Variants in C1QTNF3 observed in about 807,000 individuals in gnomAD.
C1QTNF3 encodes the protein complement C1q tumor necrosis factor-related protein 3.
C1QTNF3 carries 26 observed loss-of-function variants against 32.6 expected under a neutral mutation model. The observed-to-expected ratio is 0.80, with a 90% CI of 0.58 to 1.11. The LOEUF is 1.11. C1QTNF3 is among the 50% of genes least tolerant of loss of function. The pLI is 0.00. For synonymous variants in C1QTNF3, 155 were observed against 146.0 expected (o/e 1.06, Z -0.44); for missense variants, 362 against 398.2 (o/e 0.91, Z 0.77).
chr5:34,222,154 T>C, the C1QTNF3 span, among the ~76,000 whole-genome samples: 1 of 152,032 alleles, frequency 6.6e-6, no homozygotes, highest in South Asian at 2.1e-4. Context: ...AAATCAGATA[T>C]TAGGGGAAAA....
At chr5:34,133,247 T>C in the C1QTNF3 span, among the ~76,000 whole-genome samples, 2 of 152,202 alleles carry the variant, frequency 1.3e-5, no homozygotes, top group Admixed American at 6.5e-5. Flanking sequence ...GAAATCATAA[T>C]AGCTGTGGGT....
the C1QTNF3 span, among the ~76,000 whole-genome samples, chr5:34,075,090 T>A: frequency 6.6e-6 from 1 of 151,820 alleles, no homozygotes; most frequent in South Asian, 2.1e-4. Flanking sequence ...CTAGTTAGCA[T>A]GCAAAAATAC....
At chr5:34,194,886 G>A in the C1QTNF3 span, among the ~76,000 whole-genome samples, 1 of 149,026 alleles carries the variant, frequency 6.7e-6, no homozygotes, top group Admixed American at 6.7e-5. Flanking sequence ...CGATGTAAAT[G>A]TCATGCAAAT....
chr5:34,128,910 T>C, the C1QTNF3 span, among the ~76,000 whole-genome samples: 1 of 152,134 alleles, frequency 6.6e-6, no homozygotes, highest in Non-Finnish European at 1.5e-5. Context: ...CTTTGAAAAG[T>C]GAGAAGAACA....
At chr5:34,147,130 C>G in the C1QTNF3 span, among the ~76,000 whole-genome samples, 1 of 106,472 alleles carries the variant, frequency 9.4e-6, no homozygotes, top group Non-Finnish European at 2.3e-5. Flanking sequence ...ATGGCTATTA[C>G]TAAAAAGTAA....
intron 1 of C1QTNF3, among the ~76,000 whole-genome samples, chr5:34,038,801 G>A (rs1754802440): frequency 6.6e-6 from 1 of 152,082 alleles, no homozygotes; most frequent in African/African-American, 2.4e-5. Flanking sequence ...TTCCCTTCTT[G>A]ATACTGTTAC....
the C1QTNF3 span, among the ~76,000 whole-genome samples, chr5:34,107,962 T>C: frequency 2.6e-5 from 4 of 152,054 alleles, no homozygotes; most frequent in South Asian, 8.3e-4. Context: ...CTAAGATTTA[T>C]CATTTGCTTC....
At chr5:34,178,104 T>C in the C1QTNF3 span, among the ~76,000 whole-genome samples, 2 of 76,480 alleles carry the variant, frequency 2.6e-5, no homozygotes, top group African/African-American at 5.5e-5. Flanking sequence ...TCATCTCTAC[T>C]AAAAAAAAAA....
chr5:34,050,253 C>T, the C1QTNF3 span, among the ~76,000 whole-genome samples: 3 of 152,200 alleles, frequency 2.0e-5, no homozygotes, highest in African/African-American at 7.2e-5. Context: ...TAGCCAGTTA[C>T]TTCCATTGCT....
chr5:34,156,262 G>A, the C1QTNF3 span, among the ~76,000 whole-genome samples: 1 of 152,060 alleles, frequency 6.6e-6, no homozygotes, highest in African/African-American at 2.4e-5. Flanking sequence ...GTAGAGATGG[G>A]GTTTCGCCAT....
the C1QTNF3 span, among the ~76,000 whole-genome samples, chr5:34,049,178 G>C: frequency 6.6e-6 from 1 of 152,186 alleles, no homozygotes; most frequent in Non-Finnish European, 1.5e-5. Flanking sequence ...GGCTGTAGCT[G>C]GTTCCAGGTC....
At chr5:34,065,593 G>T in the C1QTNF3 span, among the ~76,000 whole-genome samples, 2 of 152,116 alleles carry the variant, frequency 1.3e-5, no homozygotes, top group Admixed American at 1.3e-4. Context: ...CTTGAAACCA[G>T]GAGGCAGAGG....
the C1QTNF3 span, among the ~76,000 whole-genome samples, chr5:34,120,367 AT>A: frequency 1.3e-4 from 19 of 148,550 alleles, no homozygotes; most frequent in Middle Eastern, 3.5e-3. Flanking sequence ...CATAAATCAC[AT>A]TTTTTTTTTC....
At chr5:34,087,395 G>A in the C1QTNF3 span, among the ~76,000 whole-genome samples, 8 of 152,232 alleles carry the variant, frequency 5.3e-5, no homozygotes, top group African/African-American at 1.9e-4. Flanking sequence ...TTAAGCTAAA[G>A]AGGAGCCGAA....
the C1QTNF3 span, among the ~76,000 whole-genome samples, chr5:34,145,769 T>C: frequency 2.7e-5 from 4 of 150,834 alleles, no homozygotes; most frequent in Non-Finnish European, 5.9e-5. Flanking sequence ...AATACTAGCA[T>C]ACTGGATCCA....
the C1QTNF3 span, among the ~76,000 whole-genome samples, chr5:34,111,069 G>T: frequency 6.6e-6 from 1 of 152,102 alleles, no homozygotes; most frequent in Non-Finnish European, 1.5e-5. Flanking sequence ...AGTGTCAATT[G>T]TTACCATTTT....
the C1QTNF3 span, among the ~76,000 whole-genome samples, chr5:34,157,598 G>A: frequency 1.3e-5 from 2 of 152,208 alleles, no homozygotes; most frequent in Non-Finnish European, 2.9e-5. Context: ...TAAAAGCAGA[G>A]AATCATTCCT....
rs142674947 is a variant in C1QTNF3, at chr5:34,030,959, A to G, written c.571-2076T>C. 2.1e-3 allele frequency among the ~76,000 whole-genome samples: 324 copies of G among 152,266 alleles called. 3 individuals carry two copies. Among genetic ancestry groups the G allele is most frequent in the African/African-American group, 7.5e-3 (313 of 41,560 alleles). On this transcript the variant is annotated intron_variant, in intron 3 of 5. Coordinates refer to ENST00000382065, the MANE Select transcript of C1QTNF3 (RefSeq NM_181435.6). The stretch of plus-strand genomic sequence containing the variant: ...GGATGGAAGGTGGGAGGAGGGAGAG[A>G]ATCAGGAAAAATAACCAATGGGTAC...
the C1QTNF3 span, among the ~76,000 whole-genome samples, chr5:34,123,848 G>A: frequency 6.6e-6 from 1 of 152,138 alleles, no homozygotes; most frequent in Non-Finnish European, 1.5e-5. Flanking sequence ...TTGTGTATGA[G>A]TGGTATACGT....
Sources: gnomAD v4.1 joint callset for allele counts (sites outside exome capture counted in the v4.1 genomes callset) on GRCh38, gnomAD v4.1.1 for gene constraint, MANE v1.5 for transcripts, NCBI Gene and HGNC (gene_info 2026-07-23, HGNC 2026-07-21) for gene names.